Variants in SLC4A10 observed in about 807,000 individuals in gnomAD.
SLC4A10 encodes sodium-driven chloride bicarbonate exchanger.
Under a neutral mutation model 137.7 loss-of-function variants are expected in SLC4A10, and 42 were observed. The ratio of observed to expected loss-of-function variants is 0.30; its 90% CI spans 0.24 to 0.39. SLC4A10 has a LOEUF of 0.39. Ranked by LOEUF, SLC4A10 falls within the 10% of genes least tolerant of loss-of-function variation. The pLI is 1.00. For missense variants in SLC4A10, 925 were observed against 1,355.0 expected, an observed-to-expected ratio of 0.68 and a Z score of 4.98; for synonymous variants, 474 against 464.1, an observed-to-expected ratio of 1.02 and a Z score of -0.27.
At chr2:161,639,902 G>A (rs1405219862) in intron 1 of SLC4A10, among the ~76,000 whole-genome samples, 1 of 152,142 alleles carries the variant, frequency 6.6e-6, no homozygotes, top group Non-Finnish European at 1.5e-5. Context: ...AACTGTTAGA[G>A]CTAGAACATA....
At chr2:161,773,521 A>T (rs1466370915) in intron 2 of SLC4A10, among the ~76,000 whole-genome samples, 2 of 151,888 alleles carry the variant, frequency 1.3e-5, no homozygotes, top group Non-Finnish European at 1.5e-5. Context: ...AAACGCGTTT[A>T]AAAAAATAAA....
chr2:161,767,235 CAT>C (rs72106317), intron 1 of SLC4A10, among the ~76,000 whole-genome samples: 25,477 of 114,622 alleles, frequency 0.22, 2,921 homozygotes, highest in African/African-American at 0.34. Context: ...TATATATACA[CAT>C]ATATATATAT....
At chr2:161,879,680 G>C (rs1192491149) in intron 9 of SLC4A10, among the ~76,000 whole-genome samples, 1 of 150,960 alleles carries the variant, frequency 6.6e-6, no homozygotes, top group East Asian at 1.9e-4. Flanking sequence ...CTCAAAAACA[G>C]CAAAGTTACT....
chr2:161,916,527 T>C (rs1687148635), intron 15 of SLC4A10, among the ~76,000 whole-genome samples: 1 of 152,330 alleles, frequency 6.6e-6, no homozygotes, highest in East Asian at 1.9e-4. Flanking sequence ...AGTCAGGTCA[T>C]GTCACTCTGC....
intron 3 of SLC4A10, among the ~76,000 whole-genome samples, chr2:161,817,446 T>C (rs1445062017): frequency 6.6e-6 from 1 of 152,208 alleles, no homozygotes; most frequent in East Asian, 1.9e-4. Context: ...TTCACTTTGA[T>C]GGTGATTTCT....
intron 2 of SLC4A10, among the ~76,000 whole-genome samples, chr2:161,781,401 G>A (rs1486757697): frequency 6.6e-6 from 1 of 151,930 alleles, no homozygotes; most frequent in Non-Finnish European, 1.5e-5. Flanking sequence ...TATTCAACTT[G>A]TGTGTACATC....
At chr2:161,929,994 T>C (rs1373429751) in intron 15 of SLC4A10, among the ~76,000 whole-genome samples, 2 of 152,174 alleles carry the variant, frequency 1.3e-5, no homozygotes, top group Non-Finnish European at 2.9e-5. Context: ...TATAAATCTT[T>C]TAGTTTGTGA....
chr2:161,754,679 C>A (rs139611759), intron 1 of SLC4A10, among the ~76,000 whole-genome samples: 2 of 152,122 alleles, frequency 1.3e-5, no homozygotes, highest in Non-Finnish European at 2.9e-5. Context: ...TCCCCCTTTT[C>A]TCCACATGAT....
At chr2:161,847,051 A>G (rs2059540629) in intron 4 of SLC4A10, among the ~76,000 whole-genome samples, 1 of 151,114 alleles carries the variant, frequency 6.6e-6, no homozygotes, top group South Asian at 2.1e-4. Context: ...AGCCTGGGTA[A>G]CATAGTGAGA....
intron 15 of SLC4A10, among the ~76,000 whole-genome samples, chr2:161,916,578 G>A (rs994758542): frequency 6.6e-6 from 1 of 152,178 alleles, no homozygotes; most frequent in African/African-American, 2.4e-5. Flanking sequence ...AAGCCAAAGG[G>A]CTTCTGTGAC....
intron 1 of SLC4A10, among the ~76,000 whole-genome samples, chr2:161,691,792 T>A (rs1031680975): frequency 2.6e-5 from 4 of 152,124 alleles, no homozygotes; most frequent in African/African-American, 9.6e-5. Context: ...ATCAAACATT[T>A]GTTGAATGTT....
chr2:161,957,609 A>G (rs1189441722), intron 20 of SLC4A10, among the ~76,000 whole-genome samples: 6 of 152,190 alleles, frequency 3.9e-5, no homozygotes, highest in Non-Finnish European at 7.3e-5. Context: ...GGATAAATAT[A>G]TTAGCAGTTA....
At chr2:161,842,313 G>A (rs72879275) in intron 4 of SLC4A10, among the ~76,000 whole-genome samples, 9,238 of 152,176 alleles carry the variant, frequency 0.061, 369 homozygotes, top group East Asian at 0.13. Flanking sequence ...GTGTATGAGA[G>A]TGCTTATTTC....
intron 1 of SLC4A10, among the ~76,000 whole-genome samples, chr2:161,667,327 G>T (rs1358081007): frequency 6.6e-6 from 1 of 151,674 alleles, no homozygotes; most frequent in Non-Finnish European, 1.5e-5. Flanking sequence ...TGCTCTAGGT[G>T]CTGGTAAAAC....
intron 3 of SLC4A10, among the ~76,000 whole-genome samples, chr2:161,836,583 A>T (rs1390155423): frequency 9.4e-6 from 1 of 106,392 alleles, no homozygotes. Flanking sequence ...AAAGAAAGAA[A>T]GAAAGAAAGA....
chr2:161,885,709 G>T (rs927246828), intron 10 of SLC4A10, among the ~76,000 whole-genome samples: 1 of 152,088 alleles, frequency 6.6e-6, no homozygotes, highest in Non-Finnish European at 1.5e-5. Context: ...AAATTACTAA[G>T]CACCCCAAAG....
chr2:161,717,993 A>G (rs1168447691), intron 1 of SLC4A10, among the ~76,000 whole-genome samples: 1 of 151,908 alleles, frequency 6.6e-6, no homozygotes, highest in Non-Finnish European at 1.5e-5. Context: ...TTGGTTATTG[A>G]TTATTCTTCA....
At chr2:161,726,504 G>A (rs980369888) in intron 1 of SLC4A10, among the ~76,000 whole-genome samples, 1 of 152,180 alleles carries the variant, frequency 6.6e-6, no homozygotes, top group African/African-American at 2.4e-5. Flanking sequence ...GAATGAAAAT[G>A]TTAAGTGTCT....
At chr2:161,838,972 G>A (rs910045550) in intron 3 of SLC4A10, among the ~76,000 whole-genome samples, 1 of 152,138 alleles carries the variant, frequency 6.6e-6, no homozygotes, top group African/African-American at 2.4e-5. Context: ...ATTTACCCTA[G>A]AGAAATAAAA....
Sources: gnomAD v4.1 joint callset for allele counts (sites outside exome capture counted in the v4.1 genomes callset) on GRCh38, gnomAD v4.1.1 for gene constraint, MANE v1.5 for transcripts, NCBI Gene and HGNC (gene_info 2026-07-23, HGNC 2026-07-21) for gene names.